ANKRD12: variants seen among roughly 807,000 people sequenced by gnomAD.
ANKRD12 encodes the protein ankyrin repeat domain 12.
ANKRD12 carries 85 observed loss-of-function variants against 183.4 expected under a neutral mutation model. That is an observed-to-expected ratio of 0.46 (90% CI 0.39 to 0.56). ANKRD12 has a LOEUF of 0.56. Among genes scored for constraint, ANKRD12 ranks in the 20% least tolerant of loss-of-function variants. The pLI is 0.00. For synonymous variants in ANKRD12, 914 were observed against 800.2 expected (o/e 1.14, Z -2.40); for missense variants, 2,405 against 2,357.1 (o/e 1.02, Z -0.42).
In ANKRD12 at chr18:9,159,616, T is replaced by C. The variant is rs2031113393; in HGVS notation, c.-52+22651T>C. 4.1e-5 allele frequency among the ~76,000 whole-genome samples: 6 copies of C among 146,268 alleles called. No individual in the cohort carries two copies. In the South Asian group the frequency reaches 1.3e-3, roughly 33 times the overall value. On this transcript the variant is annotated intron_variant, in intron 1 of 12. Coordinates refer to ENST00000262126, the MANE Select transcript of ANKRD12 (RefSeq NM_015208.5). ...CTGGCTAAATTTTTTTTTTTTTGTA[T>C]TTTTAGTAGAGACAGGGTTTCGCCG...
rs1026853611 is a variant in ANKRD12 at position 9,161,524 on chromosome 18, C to T, written c.-51-20858C>T. Among the ~76,000 whole-genome samples the T allele has an allele frequency of 3.6e-4, 54 of 151,592 alleles. 1 individual carries two copies. Among genetic ancestry groups the T allele is most frequent in the Middle Eastern group, 6.8e-3 (2 of 294 alleles). ...CTGAGTAGCTGGGACCACAGGCGCC[C>T]GCCACCACGCCTGGCTAATTTTTTG... On this transcript the variant is annotated intron_variant, in intron 1 of 12. Transcript: ENST00000262126.
chr18:9,261,825 A>G (rs1209445666), intron 9 of ANKRD12, among the ~76,000 whole-genome samples: 1 of 152,110 alleles, frequency 6.6e-6, no homozygotes, highest in Non-Finnish European at 1.5e-5. Context: ...GATGCAGGTC[A>G]GGTATTTGCC....
intron 3 of ANKRD12, among the ~76,000 whole-genome samples, chr18:9,201,787 T>G (rs1278465003): frequency 6.6e-6 from 1 of 152,078 alleles, no homozygotes; most frequent in Non-Finnish European, 1.5e-5. Flanking sequence ...TGTTTCCTCT[T>G]AGCATTATTA....
chr18:9,250,043 A>T (rs937159687), intron 8 of ANKRD12: 11 of 152,200 alleles, frequency 7.2e-5, no homozygotes, highest in Admixed American at 7.2e-4. Flanking sequence ...TGGGGATAAT[A>T]ACACCTGTTG....
intron 5 of ANKRD12, among the ~76,000 whole-genome samples, chr18:9,210,933 T>A (rs956744375): frequency 1.3e-5 from 2 of 152,016 alleles, no homozygotes; most frequent in Non-Finnish European, 2.9e-5. Flanking sequence ...GAATCCTTAA[T>A]TAAGAAACCA....
chr18:9,240,820 C>T (rs557367704), intron 8 of ANKRD12, among the ~76,000 whole-genome samples: 1 of 152,162 alleles, frequency 6.6e-6, no homozygotes, highest in Admixed American at 6.5e-5. Context: ...ATGTTGTTAC[C>T]CACTGGTTTA....
chr18:9,223,464 C>A (rs930100697), intron 8 of ANKRD12, among the ~76,000 whole-genome samples: 2 of 151,216 alleles, frequency 1.3e-5, no homozygotes, highest in Non-Finnish European at 1.5e-5. Context: ...CAAAAAAAAA[C>A]CCAAAACCAA....
chr18:9,235,823 C>T, intron 8 of ANKRD12: 1 of 375,180 alleles, frequency 2.7e-6, no homozygotes, highest in Non-Finnish European at 5.4e-6. Flanking sequence ...ATTTAAAAGG[C>T]TCATCAGACT....
At chr18:9,262,386 G>T (rs941650491) in intron 9 of ANKRD12, among the ~76,000 whole-genome samples, 25 of 152,308 alleles carry the variant, frequency 1.6e-4, no homozygotes, top group African/African-American at 5.1e-4. Flanking sequence ...AATTCTCCAA[G>T]GGGTAGAAAA....
At chr18:9,190,106 A>G (rs748777473) in intron 2 of ANKRD12, among the ~76,000 whole-genome samples, 2 of 152,196 alleles carry the variant, frequency 1.3e-5, no homozygotes, top group African/African-American at 2.4e-5. Context: ...CAAAATACCA[A>G]TATTAACCAG....
chr18:9,192,505 T>G (rs558518182), intron 2 of ANKRD12, among the ~76,000 whole-genome samples: 2 of 152,318 alleles, frequency 1.3e-5, no homozygotes, highest in African/African-American at 2.4e-5. Context: ...TATCTTGTGC[T>G]GTTTTTTGGT....
chr18:9,170,545 G>C (rs1159959511), intron 1 of ANKRD12, among the ~76,000 whole-genome samples: 1 of 152,044 alleles, frequency 6.6e-6, no homozygotes, highest in Non-Finnish European at 1.5e-5. Context: ...TGGTGCCTTG[G>C]TTTTCAGCTC....
chr18:9,253,907 C>T (rs1046330983), intron 8 of ANKRD12, among the ~76,000 whole-genome samples: 6 of 152,154 alleles, frequency 3.9e-5, no homozygotes, highest in South Asian at 2.1e-4. Context: ...AAGAGATACA[C>T]GCTTCTATGT....
At chr18:9,167,545 T>A (rs2032208736) in intron 1 of ANKRD12, among the ~76,000 whole-genome samples, 1 of 152,198 alleles carries the variant, frequency 6.6e-6, no homozygotes, top group African/African-American at 2.4e-5. Context: ...TAAGAATGCT[T>A]GTGATTTTTG....
chr18:9,285,818 C>T lies in ANKRD12; in HGVS notation c.*4692C>T, dbSNP rs937074308. ...ATACTTCCTTGTCTGCCTTGTTTCT[C>T]AACATGATGTTTTGAAATTCATCCA... On this transcript the variant is annotated 3_prime_UTR_variant, in exon 13 of 13. Transcript: ENST00000262126. 2 of 152,118 alleles carry T rather than the reference C, an allele frequency of 1.3e-5. No homozygotes were observed. Among genetic ancestry groups the T allele is most frequent in the Admixed American group, 6.6e-5 (1 of 15,242 alleles). The allele number at this position is 152,118 out of a possible 1,614,324, so 9.4% of individuals were successfully genotyped here.
intron 5 of ANKRD12, among the ~76,000 whole-genome samples, chr18:9,210,650 C>T (rs1169644082): frequency 4.4e-5 from 6 of 137,398 alleles, no homozygotes; most frequent in South Asian, 2.4e-4. Context: ...TTCTTGAACC[C>T]GGGAGGTAGA....
intron 1 of ANKRD12, among the ~76,000 whole-genome samples, chr18:9,151,168 A>G (rs925081369): frequency 6.6e-6 from 1 of 152,244 alleles, no homozygotes; most frequent in Admixed American, 6.5e-5. Context: ...AGGGAAGTCC[A>G]GTTAATATCT....
rs74786654 is a variant in ANKRD12, at chr18:9,277,181, A to T, written c.5907+1514A>T. On this transcript the variant is annotated intron_variant, in intron 11 of 12. Coordinates refer to ENST00000262126, the MANE Select transcript of ANKRD12 (RefSeq NM_015208.5). ...AGACATAAAAATTTCAAAGCCTGGC[A>T]TGGTGGCACATGCCTGTAGCCCCAG... 1.3e-3 allele frequency among the ~76,000 whole-genome samples: 200 copies of T among 152,226 alleles called. 4 individuals carry two copies. In the East Asian group the frequency reaches 0.031, roughly 24 times the overall value.
intron 1 of ANKRD12, among the ~76,000 whole-genome samples, chr18:9,158,658 T>C (rs2030955920): frequency 1.3e-5 from 2 of 152,194 alleles, no homozygotes; most frequent in South Asian, 4.1e-4. Flanking sequence ...GATAATAGTA[T>C]TTGTCAGGTT....
Sources: allele counts gnomAD v4.1 joint callset (sites outside exome capture counted in the v4.1 genomes callset), GRCh38; gene constraint gnomAD v4.1.1; transcripts MANE v1.5; gene names NCBI Gene and HGNC (gene_info 2026-07-23, HGNC 2026-07-21).